The following GET3 variants were observed in gnomAD, a reference collection of about 807,000 sequenced individuals.
GET3 encodes ATPase GET3.
In GET3, 15 loss-of-function variants were observed where a neutral mutation model predicts 32.4. The ratio of observed to expected loss-of-function variants is 0.46; its 90% CI spans 0.31 to 0.71. The LOEUF (loss-of-function observed/expected upper bound fraction) is 0.71. Ranked by LOEUF, GET3 falls within the 30% of genes least tolerant of loss-of-function variation. GET3 has a pLI of 0.05. For missense variants in GET3, 333 were observed against 459.0 expected (o/e 0.73, Z 2.51); for synonymous variants, 198 against 185.6 (o/e 1.07, Z -0.54).
chr19:12,739,200 C>G (rs1485200793), intron 2 of GET3, among the ~76,000 whole-genome samples: 1 of 151,820 alleles, frequency 6.6e-6, no homozygotes, highest in Non-Finnish European at 1.5e-5. Context: ...CTCAAGACTC[C>G]TCTGTCTCCC....
chr19:12,740,569 C>G (rs1028872285), intron 2 of GET3, among the ~76,000 whole-genome samples: 5 of 151,868 alleles, frequency 3.3e-5, no homozygotes, highest in African/African-American at 1.2e-4. Flanking sequence ...CCCAGCTACT[C>G]CGGAGGCTGA....
At chr19:12,746,641 T>G (rs1967776880) in intron 4 of GET3, among the ~76,000 whole-genome samples, 1 of 152,194 alleles carries the variant, frequency 6.6e-6, no homozygotes, top group Admixed American at 6.5e-5. Flanking sequence ...ACAACAGATC[T>G]GGGAGGTAAA....
In GET3 at chr19:12,738,541, G is replaced by A. The variant is rs1273023904; in HGVS notation, c.192G>A (p.Gly64=). 3 of 1,614,018 alleles carry A rather than the reference G, an allele frequency of 1.9e-6. No homozygotes were observed. Among genetic ancestry groups the A allele is most frequent in the Admixed American group, 3.3e-5 (2 of 59,982 alleles). ...GCCTGGCAGTCCAGCTCTCCAAGGGGCGTGAGAGTGTTCTGATCATCTCCA... is the reference window on the plus strand; with the variant it reads ...GCCTGGCAGTCCAGCTCTCCAAGGGACGTGAGAGTGTTCTGATCATCTCCA... The part of the protein sequence containing the change: ...SCSLAVQLSK[G]RESVLIISTD... The change falls in exon 2 of 7, where the codon GGG becomes GGA. Residue 64 remains glycine, a synonymous_variant. Coordinates refer to ENST00000357332, the MANE Select transcript of GET3 (RefSeq NM_004317.4).
intron 2 of GET3, among the ~76,000 whole-genome samples, chr19:12,738,897 A>C (rs1967617872): frequency 6.6e-6 from 1 of 152,238 alleles, no homozygotes; most frequent in African/African-American, 2.4e-5. Flanking sequence ...GAGACCAATC[A>C]GAGCCACATG....
chr19:12,745,784 C>G lies in GET3; in HGVS notation c.609+25C>G. 6.3e-7 allele frequency: 1 copy of G among 1,582,642 alleles called. No individual in the cohort carries two copies. Among genetic ancestry groups the G allele is most frequent in the Non-Finnish European group, 8.6e-7 (1 of 1,165,992 alleles). ...GGCAGGCGGCGGGGGCCCCCACCTG[C>G]ACCATCCAGGCAGCCGGGAGTGGGA... On this transcript the variant is annotated intron_variant, in intron 4 of 6. Coordinates refer to ENST00000357332, the MANE Select transcript of GET3 (RefSeq NM_004317.4). This position sits in a 1 kb window ranked among gnomAD's most constrained non-coding sequence, Gnocchi z 5.0.
In GET3 at chr19:12,748,078, C is replaced by G. The variant is rs1205663803; in HGVS notation, c.1021C>G (p.Pro341Ala). 6.2e-7 allele frequency: 1 copy of G among 1,606,600 alleles called. No homozygotes were observed. The highest frequency in any genetic ancestry group is 1.7e-5 in the Admixed American group (1 of 59,606). ...VNTFSALLLE[P>A]YKPPSAQ is the part of the protein sequence containing the mutation. The stretch of plus-strand genomic sequence containing the variant: ...CACCTTCTCGGCCCTCCTCCTGGAG[C>G]CCTACAAGCCCCCCAGTGCCCAGTA... The change falls in exon 7 of 7, where the codon CCC becomes GCC. Residue 341 changes from proline (P) to alanine (A), a missense_variant. Around this residue, in one of 3 missense-constraint regions of GET3, gnomAD observed 39 missense variants for 33.0 expected, o/e 1.18. Coordinates refer to ENST00000357332, the MANE Select transcript of GET3 (RefSeq NM_004317.4).
intron 4 of GET3, among the ~76,000 whole-genome samples, chr19:12,746,033 A>G (rs757625473): frequency 1.3e-5 from 2 of 152,084 alleles, no homozygotes; most frequent in Non-Finnish European, 2.9e-5. Context: ...TACACTCACC[A>G]TGTGACCCAA....
rs1967748097 is a variant in GET3 at position 12,745,268 on chromosome 19, TC to T, written c.310-106del. The T allele has an allele frequency of 1.5e-6, 2 of 1,329,982 alleles. No homozygotes were observed. Among genetic ancestry groups the T allele is most frequent in the Non-Finnish European group, 2.1e-6 (2 of 969,388 alleles). The allele number at this position is 1,329,982 out of a possible 1,614,324, so 82.4% of individuals were successfully genotyped here. Reference sequence around the variant, plus strand: ...CCTGTGGTCACAGCCCACCACAGGCTCCCTCTGGCCCTGTGCCCGGGTAGGA... The same window carrying T: ...CCTGTGGTCACAGCCCACCACAGGCTCCTCTGGCCCTGTGCCCGGGTAGGA... On this transcript the variant is annotated intron_variant, in intron 2 of 6. Coordinates refer to ENST00000357332, the MANE Select transcript of GET3 (RefSeq NM_004317.4). This position sits in a 1 kb window ranked among gnomAD's most constrained non-coding sequence, Gnocchi z 5.0.
chr19:12,746,085 C>T (rs1712635484), intron 4 of GET3, among the ~76,000 whole-genome samples: 1 of 152,172 alleles, frequency 6.6e-6, no homozygotes, highest in Admixed American at 6.5e-5. Context: ...CTCTCTGGGC[C>T]TCACCTTCCT....
At chr19:12,738,442 T>C in intron 1 of GET3, 69 bp from the exon 2 acceptor site, 1 of 1,590,348 alleles carries the variant, frequency 6.3e-7, no homozygotes, top group South Asian at 1.1e-5. Context: ...AACCTACCAC[T>C]CCCCTTGCAG....
At chr19:12,737,716 GC>G (rs757766864) in intron 1 of GET3, 50 bp downstream of exon 1, 55 of 1,545,044 alleles carry the variant, frequency 3.6e-5, no homozygotes, top group Non-Finnish European at 4.8e-5. Flanking sequence ...ATACCACTGG[GC>G]GAAGGGGAGG....
At chr19:12,742,072 C>T (rs2145688572) in intron 2 of GET3, among the ~76,000 whole-genome samples, 1 of 152,130 alleles carries the variant, frequency 6.6e-6, no homozygotes, top group South Asian at 2.1e-4. Context: ...CAAGACCAGC[C>T]TGGGCAACAA....
intron 4 of GET3, among the ~76,000 whole-genome samples, chr19:12,746,610 A>G (rs1178685467): frequency 2.6e-5 from 4 of 152,186 alleles, no homozygotes; most frequent in Non-Finnish European, 5.9e-5. Context: ...TCAGCACATT[A>G]TATGCTTCAG....
Position 12,747,040 on chromosome 19 carries a change from GA to G in GET3, c.610-153del, listed in dbSNP as rs1210713064. Reference sequence around the variant, plus strand: ...AAAAAAAAAAAGAAAGAAAGAAATGGAAAAGCTAGTATTTGACCAACCCCAG... The same window carrying G: ...AAAAAAAAAAAGAAAGAAAGAAATGGAAAGCTAGTATTTGACCAACCCCAG... On this transcript the variant is annotated intron_variant, in intron 4 of 6. Coordinates refer to ENST00000357332, the MANE Select transcript of GET3 (RefSeq NM_004317.4). This position sits in a 1 kb window ranked among gnomAD's most constrained non-coding sequence, Gnocchi z 4.0. 2.6e-5 allele frequency among the ~76,000 whole-genome samples: 4 copies of G among 151,870 alleles called. No homozygotes were observed. The highest frequency in any genetic ancestry group is 5.9e-5 in the Non-Finnish European group (4 of 67,966).
At chr19:12,744,421 G>A (rs1353530247) in intron 2 of GET3, among the ~76,000 whole-genome samples, 1 of 151,768 alleles carries the variant, frequency 6.6e-6, no homozygotes, top group East Asian at 2.0e-4. Flanking sequence ...CCGGGTTCAA[G>A]CGATTCCCCT....
upstream of GET3, chr19:12,737,481 C>T (rs1967590526): frequency 1.3e-6 from 2 of 1,490,038 alleles, no homozygotes; most frequent in South Asian, 1.3e-5. Context: ...GTGCGCTCCG[C>T]TGGATCACGT....
In GET3 at chr19:12,745,248, G is replaced by T; in HGVS notation, c.310-129G>T. The T allele has an allele frequency of 9.4e-7, 1 of 1,064,408 alleles. No individual in the cohort carries two copies. Among genetic ancestry groups the T allele is most frequent in the Non-Finnish European group, 1.4e-6 (1 of 740,554 alleles). The allele number at this position is 1,064,408 out of a possible 1,614,324, so 65.9% of individuals were successfully genotyped here. ...AGCCGTGACCTAATGAAATGCCTGT[G>T]GTCACAGCCCACCACAGGCTCCCTC... On this transcript the variant is annotated intron_variant, in intron 2 of 6. Transcript: ENST00000357332. This position sits in a 1 kb window ranked among gnomAD's most constrained non-coding sequence, Gnocchi z 5.0.
At position 12,747,917 on chromosome 19, in the gene GET3, T is replaced by C; in HGVS notation, c.916-56T>C. The stretch of plus-strand genomic sequence containing the variant: ...TTACCGCTTCTATTGATCCACACTC[T>C]GTCTCTGCCTTCCTGCCCCCTGACC... On this transcript the variant is annotated intron_variant, in intron 6 of 6. Coordinates refer to ENST00000357332, the MANE Select transcript of GET3 (RefSeq NM_004317.4). This position sits in a 1 kb window ranked among gnomAD's most constrained non-coding sequence, Gnocchi z 4.0. The C allele has an allele frequency of 6.6e-7, 1 of 1,512,370 alleles. No individual in the cohort carries two copies. The highest frequency in any genetic ancestry group is 9.0e-7 in the Non-Finnish European group (1 of 1,115,750). 93.7% of individuals were successfully genotyped at this position (1,512,370 alleles called of 1,614,324 possible).
chr19:12,747,982 C>A lies in GET3; in HGVS notation c.925C>A (p.Leu309Met). 1 of 1,602,034 alleles carries A rather than the reference C, an allele frequency of 6.2e-7. No individual in the cohort carries two copies. The change falls in exon 7 of 7, where the codon CTG becomes ATG. Residue 309 changes from leucine (L) to methionine (M), a missense_variant. Transcript: ENST00000357332. This position sits in a 1 kb window ranked among gnomAD's most constrained non-coding sequence, Gnocchi z 4.0. Reference sequence around the variant, plus strand: ...TCTGCCCTGGCTGCAGATGGAGGACCTGTATGAAGACTTCCACATCGTGAA... The same window carrying A: ...TCTGCCCTGGCTGCAGATGGAGGACATGTATGAAGACTTCCACATCGTGAA... ...QAKYLDQMED[L>M]YEDFHIVKLP...
Sources: allele counts gnomAD v4.1 joint callset (sites outside exome capture counted in the v4.1 genomes callset), GRCh38; gene constraint gnomAD v4.1.1; regional missense constraint gnomAD v4.1.1; non-coding constraint Gnocchi (gnomAD v3.1); transcripts MANE v1.5; gene names NCBI Gene and HGNC (gene_info 2026-07-23, HGNC 2026-07-21).